Variants in MYO16 observed in about 807,000 individuals in gnomAD.
MYO16 encodes the protein unconventional myosin-XVI.
Under a neutral mutation model 205.3 loss-of-function variants are expected in MYO16, and 94 were observed. That is an observed-to-expected ratio of 0.46 (90% confidence interval 0.39 to 0.54). The LOEUF is 0.54. Ranked by LOEUF, MYO16 falls within the 20% of genes least tolerant of loss-of-function variation. The pLI, the probability that MYO16 is intolerant of heterozygous loss-of-function variation, is 0.00. For synonymous variants in MYO16, 988 were observed against 954.0 expected (o/e 1.04, Z -0.66); for missense variants, 2,315 against 2,387.5 (o/e 0.97, Z 0.63).
At chr13:108,797,732 T>C (rs1886835254) in intron 6 of MYO16, among the ~76,000 whole-genome samples, 1 of 152,218 alleles carries the variant, frequency 6.6e-6, no homozygotes, top group South Asian at 2.1e-4. Flanking sequence ...TAACACATAA[T>C]AGAAACGCAA....
chr13:109,033,348 G>A (rs1594488255), intron 23 of MYO16, among the ~76,000 whole-genome samples: 2 of 152,136 alleles, frequency 1.3e-5, no homozygotes, highest in African/African-American at 2.4e-5. Context: ...TACAGTGGAC[G>A]ATTCTCATCC....
At chr13:108,548,678 TTGA>T in the MYO16 span, among the ~76,000 whole-genome samples, 1 of 151,850 alleles carries the variant, frequency 6.6e-6, no homozygotes, top group African/African-American at 2.4e-5. Context: ...GAAGGCAGTC[TTGA>T]TGGTGGTAAT....
intron 16 of MYO16, among the ~76,000 whole-genome samples, chr13:108,945,228 A>G (rs370841515): frequency 3.6e-4 from 55 of 152,296 alleles, no homozygotes; most frequent in African/African-American, 1.1e-3. Flanking sequence ...TTAGTTTCAG[A>G]ATTTTTCACT....
intron 34 of MYO16, among the ~76,000 whole-genome samples, chr13:109,186,442 A>G (rs912290966): frequency 1.3e-5 from 2 of 152,104 alleles, no homozygotes; most frequent in Non-Finnish European, 2.9e-5. Flanking sequence ...GTCCACAGAA[A>G]ACCTAATTCA....
At chr13:109,152,076 G>A (rs945997757) in intron 32 of MYO16, among the ~76,000 whole-genome samples, 6 of 152,190 alleles carry the variant, frequency 3.9e-5, no homozygotes, top group African/African-American at 1.4e-4. Flanking sequence ...GTGCCCAGCA[G>A]CAGATCCTAT....
At chr13:108,742,175 G>C (rs1884931546) in intron 4 of MYO16, among the ~76,000 whole-genome samples, 1 of 152,010 alleles carries the variant, frequency 6.6e-6, no homozygotes, top group African/African-American at 2.4e-5. Context: ...TGTATTTTTA[G>C]TAGAGACGGG....
At chr13:108,754,671 C>T (rs534363344) in intron 4 of MYO16, among the ~76,000 whole-genome samples, 127 of 152,278 alleles carry the variant, frequency 8.3e-4, no homozygotes, top group African/African-American at 2.0e-3. Flanking sequence ...CCAAATCATC[C>T]TCTTCCTAGC....
the MYO16 span, among the ~76,000 whole-genome samples, chr13:108,562,355 G>T: frequency 1.3e-5 from 2 of 152,168 alleles, no homozygotes; most frequent in East Asian, 3.9e-4. Flanking sequence ...TTCAACATAT[G>T]AATTTTTTAG....
chr13:108,626,260 A>G (rs1273941668), upstream of MYO16, among the ~76,000 whole-genome samples: 1 of 152,194 alleles, frequency 6.6e-6, no homozygotes, highest in African/African-American at 2.4e-5. Flanking sequence ...TTCAAAAATG[A>G]GTTTGAAATA....
intron 27 of MYO16, among the ~76,000 whole-genome samples, chr13:109,064,161 C>A (rs1327394381): frequency 6.6e-6 from 1 of 152,178 alleles, no homozygotes; most frequent in African/African-American, 2.4e-5. Context: ...TAAATGGTTA[C>A]ATTTAAACGG....
At chr13:108,542,517 G>C in the MYO16 span, among the ~76,000 whole-genome samples, 1 of 152,002 alleles carries the variant, frequency 6.6e-6, no homozygotes, top group Non-Finnish European at 1.5e-5. Context: ...GGGGTTTTTG[G>C]TTTTGTGACT....
At chr13:108,775,889 C>T (rs1886109028) in intron 4 of MYO16, among the ~76,000 whole-genome samples, 1 of 152,214 alleles carries the variant, frequency 6.6e-6, no homozygotes, top group African/African-American at 2.4e-5. Context: ...TTCTGGGGCT[C>T]TTTGGAGTAT....
At chr13:108,949,974 C>A (rs1883081311) in intron 16 of MYO16, among the ~76,000 whole-genome samples, 1 of 148,298 alleles carries the variant, frequency 6.7e-6, no homozygotes. Flanking sequence ...ACTGGGCATC[C>A]ATAGGCAAAA....
chr13:108,621,785 A>G (rs1411564352), intron 1 of MYO16, among the ~76,000 whole-genome samples: 1 of 152,304 alleles, frequency 6.6e-6, no homozygotes, highest in East Asian at 1.9e-4. Flanking sequence ...CAAGAAGAAG[A>G]GTGAGTACAG....
At chr13:108,530,349 A>G in the MYO16 span, among the ~76,000 whole-genome samples, 2 of 152,256 alleles carry the variant, frequency 1.3e-5, no homozygotes, top group African/African-American at 4.8e-5. Context: ...CAGGACTAAA[A>G]GCTGCAAAGA....
chr13:108,805,810 T>C (rs1887094604), intron 6 of MYO16, among the ~76,000 whole-genome samples: 1 of 151,952 alleles, frequency 6.6e-6, no homozygotes, highest in African/African-American at 2.4e-5. Context: ...CTGGACATGG[T>C]GGATCATGCC....
chr13:108,973,496 T>A (rs1209035231), intron 20 of MYO16, among the ~76,000 whole-genome samples: 1 of 152,320 alleles, frequency 6.6e-6, no homozygotes, highest in Non-Finnish European at 1.5e-5. Context: ...AGGGAAATTA[T>A]TTTTAAGCCA....
chr13:108,578,598 C>T, the MYO16 span, among the ~76,000 whole-genome samples: 1 of 152,298 alleles, frequency 6.6e-6, no homozygotes, highest in East Asian at 1.9e-4. Context: ...AGTGTCCTTG[C>T]CAGGGGTCCC....
chr13:109,072,600 C>G (rs990970774), intron 27 of MYO16, among the ~76,000 whole-genome samples: 1 of 151,676 alleles, frequency 6.6e-6, no homozygotes, highest in African/African-American at 2.4e-5. Context: ...CACACACACA[C>G]ACTCACACAC....
Sources: allele counts gnomAD v4.1 joint callset (sites outside exome capture counted in the v4.1 genomes callset), GRCh38; gene constraint gnomAD v4.1.1; transcripts MANE v1.5; gene names NCBI Gene and HGNC (gene_info 2026-07-23, HGNC 2026-07-21).